CACNA2D3: variants seen among roughly 807,000 people sequenced by gnomAD.
CACNA2D3 encodes voltage-dependent calcium channel subunit alpha-2/delta-3.
CACNA2D3 carries 60 observed loss-of-function variants against 160.6 expected under a neutral mutation model. The observed-to-expected ratio is 0.37, with a 90% CI of 0.30 to 0.46. The LOEUF (loss-of-function observed/expected upper bound fraction) is 0.46. Ranked by LOEUF, CACNA2D3 falls within the 20% of genes least tolerant of loss-of-function variation. The pLI, the probability that CACNA2D3 is intolerant of heterozygous loss-of-function variation, is 1.00. For missense variants in CACNA2D3, 1,205 were observed against 1,365.0 expected (o/e 0.88, Z 1.85); for synonymous variants, 558 against 492.9 (o/e 1.13, Z -1.75).
intron 5 of CACNA2D3, among the ~76,000 whole-genome samples, chr3:54,524,758 CTTT>C (rs1355655861): frequency 6.6e-6 from 1 of 152,032 alleles, no homozygotes; most frequent in Non-Finnish European, 1.5e-5. Context: ...TCTTCAGTAA[CTTT>C]TTTTGTTTTA....
chr3:54,530,263 T>G (rs1335827416), intron 5 of CACNA2D3, among the ~76,000 whole-genome samples: 1 of 152,216 alleles, frequency 6.6e-6, no homozygotes, highest in Non-Finnish European at 1.5e-5. Context: ...CAGCTGGGAC[T>G]GTTCTGCCTG....
At chr3:54,715,577 C>T (rs1701038015) in intron 11 of CACNA2D3, among the ~76,000 whole-genome samples, 1 of 152,002 alleles carries the variant, frequency 6.6e-6, no homozygotes, top group Non-Finnish European at 1.5e-5. Context: ...GGTTGGTTCC[C>T]TTGGCAACCA....
At chr3:54,879,460 G>A (rs1259391928) in intron 20 of CACNA2D3, 49 bp downstream of exon 20, 1 of 1,362,456 alleles carries the variant, frequency 7.3e-7, no homozygotes, top group Non-Finnish European at 1.0e-6. Context: ...CATCAGTTGT[G>A]TTTGTACAAA....
At chr3:54,810,378 G>T (rs1703272611) in intron 13 of CACNA2D3, among the ~76,000 whole-genome samples, 2 of 152,236 alleles carry the variant, frequency 1.3e-5, no homozygotes, top group African/African-American at 4.8e-5. Context: ...TAGCTCATCA[G>T]AGACCCCTTG....
chr3:54,508,685 G>A (rs1357622414), intron 5 of CACNA2D3, among the ~76,000 whole-genome samples: 1 of 152,216 alleles, frequency 6.6e-6, no homozygotes, highest in African/African-American at 2.4e-5. Context: ...GGCTGAAGTG[G>A]CAGAGGTGAA....
intron 17 of CACNA2D3, among the ~76,000 whole-genome samples, chr3:54,869,978 C>A (rs1054443823): frequency 2.0e-5 from 3 of 152,278 alleles, no homozygotes; most frequent in African/African-American, 7.2e-5. Context: ...TAATTGAAAA[C>A]CTAAGAGTAG....
rs560024616 is a variant in CACNA2D3, at chr3:54,163,347, C to T, written c.204+39753C>T. On this transcript the variant is annotated intron_variant, in intron 2 of 37. Transcript: ENST00000474759. ...GTCCACCTTTTAACTGAGACCCACACGGTTGCATGACCTTCATGAGTTGGC... is the reference window on the plus strand; with the variant it reads ...GTCCACCTTTTAACTGAGACCCACATGGTTGCATGACCTTCATGAGTTGGC... Among the ~76,000 whole-genome samples the T allele has an allele frequency of 5.3e-5, 8 of 152,332 alleles. 1 individual carries two copies. The highest frequency in any genetic ancestry group is 1.4e-4 in the African/African-American group (6 of 41,586).
intron 2 of CACNA2D3, among the ~76,000 whole-genome samples, chr3:54,152,389 T>C (rs1422381131): frequency 6.6e-6 from 1 of 151,604 alleles, no homozygotes; most frequent in East Asian, 2.0e-4. Context: ...AAAATGATGC[T>C]CACTTAAAAA....
intron 27 of CACNA2D3, among the ~76,000 whole-genome samples, chr3:54,915,802 C>G (rs1700648510): frequency 6.6e-6 from 1 of 152,158 alleles, no homozygotes; most frequent in Non-Finnish European, 1.5e-5. Context: ...TTTGTGGTGA[C>G]TGTAGGCAAA....
chr3:54,948,099 A>G (rs1223648621), intron 27 of CACNA2D3, among the ~76,000 whole-genome samples: 1 of 152,216 alleles, frequency 6.6e-6, no homozygotes, highest in Non-Finnish European at 1.5e-5. Context: ...TCACCCATCA[A>G]GTGCTCTCGA....
intron 9 of CACNA2D3, among the ~76,000 whole-genome samples, chr3:54,604,628 A>G (rs1449900424): frequency 6.6e-6 from 1 of 152,040 alleles, no homozygotes; most frequent in East Asian, 1.9e-4. Flanking sequence ...CTGTGCCTTC[A>G]AGAGAGCCAG....
chr3:54,199,446 C>T (rs1236987905), intron 2 of CACNA2D3, among the ~76,000 whole-genome samples: 1 of 152,094 alleles, frequency 6.6e-6, no homozygotes. Flanking sequence ...TCACTGCAAC[C>T]CCTACGTGCC....
chr3:54,525,153 T>G (rs1427407715), intron 5 of CACNA2D3, among the ~76,000 whole-genome samples: 2 of 152,270 alleles, frequency 1.3e-5, no homozygotes, highest in Middle Eastern at 3.4e-3. Flanking sequence ...TATATTAACC[T>G]TATTTAAAAT....
chr3:54,621,174 T>G (rs538406217), intron 9 of CACNA2D3, among the ~76,000 whole-genome samples: 2 of 152,370 alleles, frequency 1.3e-5, no homozygotes, highest in East Asian at 1.9e-4. Flanking sequence ...GATGTCCATT[T>G]GACACCTTGC....
At chr3:55,055,089 T>C (rs1257885337) in intron 35 of CACNA2D3, among the ~76,000 whole-genome samples, 1 of 152,086 alleles carries the variant, frequency 6.6e-6, no homozygotes, top group Non-Finnish European at 1.5e-5. Context: ...ATAAGAAACA[T>C]GCTGATTAAA....
intron 3 of CACNA2D3, among the ~76,000 whole-genome samples, chr3:54,386,395 T>C (rs1444824135): frequency 6.6e-6 from 1 of 152,240 alleles, no homozygotes; most frequent in Non-Finnish European, 1.5e-5. Flanking sequence ...GAATGCACTA[T>C]GCTAGGTGGG....
At chr3:54,430,401 T>A (rs1699971470) in intron 4 of CACNA2D3, among the ~76,000 whole-genome samples, 1 of 152,242 alleles carries the variant, frequency 6.6e-6, no homozygotes, top group Non-Finnish European at 1.5e-5. Flanking sequence ...TTGTTCAGAA[T>A]TCTCTATGCG....
Position 55,004,745 on chromosome 3 carries a change from T to A in CACNA2D3, c.2691-18T>A. 6.3e-7 allele frequency: 1 copy of A among 1,584,132 alleles called. No individual in the cohort carries two copies. The highest frequency in any genetic ancestry group is 8.7e-7 in the Non-Finnish European group (1 of 1,153,494). On this transcript the variant is annotated intron_variant, in intron 31 of 37. Coordinates refer to ENST00000474759, the MANE Select transcript of CACNA2D3 (RefSeq NM_018398.3). ...GTTTTCTCATTTAGTGAAGCTCCCT[T>A]CCATTTCTTTCCTGTAGAATTACCC...
chr3:54,335,754 C>G (rs1704361334), intron 3 of CACNA2D3, among the ~76,000 whole-genome samples: 1 of 152,046 alleles, frequency 6.6e-6, no homozygotes, highest in Admixed American at 6.6e-5. Flanking sequence ...CCTGTAATCC[C>G]AGCACTTTTG....
Sources: gnomAD v4.1 joint callset for allele counts (sites outside exome capture counted in the v4.1 genomes callset) on GRCh38, gnomAD v4.1.1 for gene constraint, MANE v1.5 for transcripts, NCBI Gene and HGNC (gene_info 2026-07-23, HGNC 2026-07-21) for gene names.